Variants in WWOX observed in about 807,000 individuals in gnomAD.
WWOX encodes the protein WW domain-containing oxidoreductase.
WWOX carries 69 observed loss-of-function variants against 46.2 expected under a neutral mutation model. That is an observed-to-expected ratio of 1.49 (90% confidence interval 1.23 to 1.82). The LOEUF is 1.82. Among genes scored for constraint, WWOX ranks in the 40% most tolerant of loss-of-function variants. WWOX has a pLI of 0.00. For missense variants in WWOX, 919 were observed against 542.6 expected (o/e 1.69, Z -6.89); for synonymous variants, 359 against 202.6 (o/e 1.77, Z -6.56).
chr16:78,414,499 G>A (rs2082753801), intron 6 of WWOX, among the ~76,000 whole-genome samples: 1 of 152,312 alleles, frequency 6.6e-6, no homozygotes, highest in East Asian at 1.9e-4. Flanking sequence ...AACCCAGGAG[G>A]AGGAGATTGC....
At chr16:78,517,100 C>T (rs1055839539) in intron 8 of WWOX, among the ~76,000 whole-genome samples, 3 of 152,054 alleles carry the variant, frequency 2.0e-5, no homozygotes, top group Non-Finnish European at 4.4e-5. Flanking sequence ...TTTATGAAAT[C>T]GGGGCAGCCA....
rs368245449 is a variant in WWOX, at chr16:78,732,075, G to T, written c.1056+299323G>T. On this transcript the variant is annotated intron_variant, in intron 8 of 8. Transcript: ENST00000566780. The stretch of plus-strand genomic sequence containing the variant: ...GAAAGGGTCTTGCTATGTTGGTGAG[G>T]CTAGTCTCAAACTCATGCCCTCAAA... 2.4e-4 allele frequency among the ~76,000 whole-genome samples: 36 copies of T among 152,062 alleles called. 1 individual carries two copies. The East Asian group carries it at 5.4e-3, about 23-fold the overall frequency.
intron 5 of WWOX, among the ~76,000 whole-genome samples, chr16:78,384,392 C>T (rs2082017795): frequency 1.3e-5 from 2 of 152,122 alleles, no homozygotes; most frequent in Non-Finnish European, 2.9e-5. Flanking sequence ...TATGAGGCAT[C>T]AGCGTCTCTG....
At chr16:79,117,790 C>A (rs527816108) in intron 8 of WWOX, among the ~76,000 whole-genome samples, 1 of 152,312 alleles carries the variant, frequency 6.6e-6, no homozygotes, top group South Asian at 2.1e-4. Flanking sequence ...ATGAACCGAC[C>A]TCTGCTAGCT....
chr16:78,394,476 C>T (rs2082244183), intron 6 of WWOX, among the ~76,000 whole-genome samples: 1 of 152,050 alleles, frequency 6.6e-6, no homozygotes, highest in Non-Finnish European at 1.5e-5. Context: ...AGAATGCTTC[C>T]CTCCTAAGCA....
chr16:78,224,503 A>G (rs972702617), intron 5 of WWOX, among the ~76,000 whole-genome samples: 2 of 152,064 alleles, frequency 1.3e-5, no homozygotes, highest in Admixed American at 6.6e-5. Context: ...CTTCAACAGC[A>G]TTATTTTTAA....
chr16:78,838,275 C>G (rs761848616), intron 8 of WWOX, among the ~76,000 whole-genome samples: 1 of 152,062 alleles, frequency 6.6e-6, no homozygotes, highest in Admixed American at 6.6e-5. Context: ...CAAAAAAAGA[C>G]AGGGTAGTTG....
chr16:78,787,102 T>G (rs913271250), intron 8 of WWOX, among the ~76,000 whole-genome samples: 1 of 152,214 alleles, frequency 6.6e-6, no homozygotes, highest in Admixed American at 6.5e-5. Context: ...GAGCCAAGAT[T>G]GCACCACTGG....
At chr16:78,286,692 G>C (rs2079772442) in intron 5 of WWOX, among the ~76,000 whole-genome samples, 1 of 151,716 alleles carries the variant, frequency 6.6e-6, no homozygotes, top group South Asian at 2.1e-4. Flanking sequence ...ACTCAAAGCA[G>C]TAAAAAATAA....
chr16:79,166,517 G>C (rs11150140), intron 8 of WWOX, among the ~76,000 whole-genome samples: 2 of 151,932 alleles, frequency 1.3e-5, no homozygotes, highest in Non-Finnish European at 2.9e-5. Flanking sequence ...CATACGGGCA[G>C]TAGTCCGCAT....
At chr16:79,087,407 T>A (rs1324148582) in intron 8 of WWOX, among the ~76,000 whole-genome samples, 2 of 152,224 alleles carry the variant, frequency 1.3e-5, no homozygotes, top group Non-Finnish European at 2.9e-5. Context: ...GACACCACTG[T>A]GTTTGAGAGT....
chr16:78,488,075 A>G (rs2084684382), intron 8 of WWOX, among the ~76,000 whole-genome samples: 2 of 152,124 alleles, frequency 1.3e-5, no homozygotes. Context: ...GTTCCAGCCT[A>G]TTTTCTGAGC....
chr16:78,162,926 T>C (rs368666680), intron 4 of WWOX, among the ~76,000 whole-genome samples: 1 of 152,284 alleles, frequency 6.6e-6, no homozygotes, highest in South Asian at 2.1e-4. Context: ...ATTACTCTTA[T>C]TTTGTTTAAG....
chr16:78,842,221 C>T (rs377564602), intron 8 of WWOX, among the ~76,000 whole-genome samples: 5 of 151,732 alleles, frequency 3.3e-5, no homozygotes, highest in South Asian at 2.1e-4. Flanking sequence ...GGGTTGGGTG[C>T]AGTGGCTCTC....
chr16:78,410,616 C>T lies in WWOX; in HGVS notation c.606-14254C>T, dbSNP rs545832252. Among the ~76,000 whole-genome samples the T allele has an allele frequency of 1.1e-3, 169 of 151,860 alleles. 3 individuals carry two copies. In the Middle Eastern group the frequency reaches 0.037, roughly 34 times the overall value. On this transcript the variant is annotated intron_variant, in intron 6 of 8. Transcript: ENST00000566780. ...TTTGAGGTTAGGAGTTTGAGACCAA[C>T]CTGGCCAACATGGTGAAACGCCATA...
chr16:79,050,986 G>C (rs974535190), intron 8 of WWOX, among the ~76,000 whole-genome samples: 14 of 152,228 alleles, frequency 9.2e-5, no homozygotes, highest in African/African-American at 3.4e-4. Flanking sequence ...GTGAACACAA[G>C]ACACTGACCC....
At chr16:78,702,007 T>TTATATATATGTGTATATATATATATATA (rs1555519490) in intron 8 of WWOX, among the ~76,000 whole-genome samples, 1 of 57,630 alleles carries the variant, frequency 1.7e-5, no homozygotes, top group African/African-American at 6.6e-5. Flanking sequence ...CTACATAAAA[T>TTATATATATGTGTATATATATATATATA]TATATATATA....
intron 8 of WWOX, among the ~76,000 whole-genome samples, chr16:78,867,677 A>G (rs898199351): frequency 2.0e-5 from 3 of 152,156 alleles, no homozygotes; most frequent in Non-Finnish European, 4.4e-5. Context: ...AGTAGCTGGG[A>G]TTTCAGGTGC....
intron 8 of WWOX, among the ~76,000 whole-genome samples, chr16:78,697,623 C>T (rs538535683): frequency 1.7e-4 from 26 of 152,174 alleles, no homozygotes; most frequent in African/African-American, 6.3e-4. Flanking sequence ...AAAGAAGATA[C>T]ACAAATGACC....
Sources: gnomAD v4.1 joint callset for allele counts (sites outside exome capture counted in the v4.1 genomes callset) on GRCh38, gnomAD v4.1.1 for gene constraint, MANE v1.5 for transcripts, NCBI Gene and HGNC (gene_info 2026-07-23, HGNC 2026-07-21) for gene names.